Variants in RBM47 observed in about 807,000 individuals in gnomAD.
RBM47 encodes the protein RNA binding motif protein 47, also known as RNA-binding protein 47.
Under a neutral mutation model 47.1 loss-of-function variants are expected in RBM47, and 21 were observed. That is an observed-to-expected ratio of 0.45 (90% CI 0.32 to 0.64). The LOEUF is 0.64. RBM47 is among the 30% of genes least tolerant of loss of function. RBM47 has a pLI of 0.05. For missense variants in RBM47, 708 were observed against 870.9 expected, an observed-to-expected ratio of 0.81 and a Z score of 2.35; for synonymous variants, 375 against 361.7, an observed-to-expected ratio of 1.04 and a Z score of -0.42.
intron 1 of RBM47, among the ~76,000 whole-genome samples, chr4:40,558,673 C>T (rs1199669382): frequency 6.6e-6 from 1 of 151,696 alleles, no homozygotes; most frequent in Non-Finnish European, 1.5e-5. Flanking sequence ...ACTAAAAATA[C>T]AAAAATTAGC....
chr4:40,438,174 G>A lies in RBM47; in HGVS notation c.720C>T (p.Asp240=). Residue 240 remains aspartate (D), a synonymous_variant, in exon 4 of 7, where the codon GAC becomes GAT. Coordinates refer to ENST00000295971, the MANE Select transcript of RBM47 (RefSeq NM_001098634.2). The part of the protein sequence containing the change: ...WAEPEIDVDE[D]VMETVKILYV... Reference sequence around the variant, plus strand: ...AGAGGATCTTCACGGTCTCCATCACGTCCTCGTCCACGTCGATCTCAGGTT... The same window carrying A: ...AGAGGATCTTCACGGTCTCCATCACATCCTCGTCCACGTCGATCTCAGGTT... 3 of 1,610,638 alleles carry A rather than the reference G, an allele frequency of 1.9e-6. No individual in the cohort carries two copies. The highest frequency in any genetic ancestry group is 1.1e-5 in the South Asian group (1 of 91,086).
chr4:40,613,619 G>A (rs1008857456), intron 1 of RBM47, among the ~76,000 whole-genome samples: 1 of 152,026 alleles, frequency 6.6e-6, no homozygotes, highest in Non-Finnish European at 1.5e-5. Flanking sequence ...TAACTCATTG[G>A]TGATAAAAAA....
chr4:40,591,619 A>G (rs1734144631), intron 1 of RBM47, among the ~76,000 whole-genome samples: 1 of 152,140 alleles, frequency 6.6e-6, no homozygotes, highest in African/African-American at 2.4e-5. Flanking sequence ...GCTTGAACCC[A>G]GGAGGCAGAG....
chr4:40,630,393 G>A (rs1167578979), upstream of RBM47: 2 of 152,170 alleles, frequency 1.3e-5, no homozygotes, highest in Non-Finnish European at 2.9e-5. Context: ...GTCGCTGGAC[G>A]AGGTGGGATC....
intron 5 of RBM47, among the ~76,000 whole-genome samples, chr4:40,436,060 T>C (rs1261233028): frequency 6.7e-6 from 1 of 149,556 alleles, no homozygotes; most frequent in Non-Finnish European, 1.5e-5. Flanking sequence ...TAGTCCCAGC[T>C]ATTCTGGAGG....
intron 1 of RBM47, among the ~76,000 whole-genome samples, chr4:40,607,876 G>A (rs566074944): frequency 7.9e-5 from 12 of 152,188 alleles, no homozygotes; most frequent in African/African-American, 2.2e-4. Flanking sequence ...AGGTTGAGGC[G>A]GAAAGATTGC....
In RBM47 at chr4:40,446,568, T is replaced by C. The variant is rs576863797; in HGVS notation, c.-31-7644A>G. On this transcript the variant is annotated intron_variant, in intron 3 of 6. Transcript: ENST00000295971. ...GCCTGGGCAACATAGTGAGACCCCA[T>C]CTCTACAAAAATTTAAAAAATTAGC... Among the ~76,000 whole-genome samples, 92 of 151,870 alleles carry C rather than the reference T, an allele frequency of 6.1e-4. 1 individual carries two copies. The highest frequency in any genetic ancestry group is 2.1e-3 in the African/African-American group (88 of 41,374).
chr4:40,577,050 G>T (rs1732405090), intron 1 of RBM47, among the ~76,000 whole-genome samples: 1 of 152,160 alleles, frequency 6.6e-6, no homozygotes, highest in South Asian at 2.1e-4. Flanking sequence ...AAGCGTCCCT[G>T]GCAGTAACGA....
chr4:40,430,190 G>A (rs1017704688), intron 6 of RBM47, among the ~76,000 whole-genome samples: 7 of 149,298 alleles, frequency 4.7e-5, no homozygotes, highest in African/African-American at 1.2e-4. Flanking sequence ...GCGAGACACC[G>A]TCGCAAAAAA....
intron 2 of RBM47, among the ~76,000 whole-genome samples, chr4:40,505,502 A>T (rs1345768074): frequency 6.6e-6 from 1 of 151,986 alleles, no homozygotes; most frequent in African/African-American, 2.4e-5. Context: ...TGTAAAAAAA[A>T]AAAAGATGCT....
intron 2 of RBM47, among the ~76,000 whole-genome samples, chr4:40,526,789 CTTTT>C (rs540484622): frequency 0.018 from 1,079 of 61,640 alleles, 9 homozygotes; most frequent in African/African-American, 0.023. Context: ...CAGTTTGGTT[CTTTT>C]TTTTTTTTTT....
At chr4:40,439,144 A>G (rs1325714737) in intron 3 of RBM47, among the ~76,000 whole-genome samples, 2 of 150,242 alleles carry the variant, frequency 1.3e-5, no homozygotes, top group Non-Finnish European at 3.0e-5. Flanking sequence ...TTAGGAGAGA[A>G]AAAAAAAAAT....
chr4:40,560,756 G>A (rs1431753367), intron 1 of RBM47, among the ~76,000 whole-genome samples: 7 of 152,136 alleles, frequency 4.6e-5, no homozygotes, highest in Admixed American at 3.9e-4. Context: ...TACGAGGTCA[G>A]GAGTTCAAGA....
intron 2 of RBM47, among the ~76,000 whole-genome samples, chr4:40,505,490 AG>A (rs892403972): frequency 7.2e-6 from 1 of 139,750 alleles, no homozygotes; most frequent in Non-Finnish European, 1.6e-5. Context: ...AAAAAAAAAA[AG>A]TGTAAAAAAA....
intron 1 of RBM47, among the ~76,000 whole-genome samples, chr4:40,600,511 G>A (rs1305255008): frequency 1.3e-4 from 20 of 151,418 alleles, no homozygotes; most frequent in Admixed American, 5.9e-4. Flanking sequence ...GCGGGCGCCT[G>A]TAGTCCCAGC....
chr4:40,569,410 CA>C (rs1041083901), intron 1 of RBM47, among the ~76,000 whole-genome samples: 1 of 147,696 alleles, frequency 6.8e-6, no homozygotes, highest in Non-Finnish European at 1.5e-5. Context: ...ATTCTATTCT[CA>C]TTTTTTTTTT....
chr4:40,587,564 T>C (rs6816038), intron 1 of RBM47, among the ~76,000 whole-genome samples: 1,966 of 152,292 alleles, frequency 0.013, 52 homozygotes, highest in African/African-American at 0.04. Context: ...CCTTGGGGCA[T>C]GTTTTGCAGT....
chr4:40,573,289 G>A (rs1444883381), intron 1 of RBM47, among the ~76,000 whole-genome samples: 2 of 151,730 alleles, frequency 1.3e-5, no homozygotes, highest in Non-Finnish European at 2.9e-5. Flanking sequence ...AGTTATCCCT[G>A]GTACTGGGAC....
chr4:40,530,461 C>T (rs564549016), intron 2 of RBM47, among the ~76,000 whole-genome samples: 2 of 152,026 alleles, frequency 1.3e-5, no homozygotes, highest in Non-Finnish European at 2.9e-5. Flanking sequence ...CGCCATCGCA[C>T]CCAGCTAATT....
Sources: allele counts gnomAD v4.1 joint callset (sites outside exome capture counted in the v4.1 genomes callset), GRCh38; gene constraint gnomAD v4.1.1; transcripts MANE v1.5; gene names NCBI Gene and HGNC (gene_info 2026-07-23, HGNC 2026-07-21).